The following ZFAT variants were observed in gnomAD, a reference collection of about 807,000 sequenced individuals.
The protein encoded by ZFAT is zinc finger protein ZFAT.
In ZFAT, 64 loss-of-function variants were observed where a neutral mutation model predicts 117.7. That is an observed-to-expected ratio of 0.54 (90% confidence interval 0.44 to 0.67). The LOEUF (loss-of-function observed/expected upper bound fraction) is 0.67. ZFAT is among the 30% of genes least tolerant of loss of function. The probability of loss-of-function intolerance (pLI) is 0.00; values close to 1 mark genes in which losing one functional copy is unlikely to be tolerated. For synonymous variants in ZFAT, 679 were observed against 615.0 expected, an observed-to-expected ratio of 1.10 and a Z score of -1.54; for missense variants, 1,433 against 1,584.5, an observed-to-expected ratio of 0.90 and a Z score of 1.62.
the ZFAT span, among the ~76,000 whole-genome samples, chr8:134,801,607 A>G: frequency 4.6e-5 from 7 of 152,030 alleles, no homozygotes; most frequent in African/African-American, 1.7e-4. Flanking sequence ...CTCTACAACC[A>G]TACTGCTTTT....
chr8:134,638,946 T>C (rs915266247), intron 2 of ZFAT, among the ~76,000 whole-genome samples: 1 of 152,010 alleles, frequency 6.6e-6, no homozygotes, highest in Non-Finnish European at 1.5e-5. Context: ...AACCTGAACA[T>C]TGGGGTAGAG....
At chr8:134,610,423 G>GACTT in intron 4 of ZFAT, 47 bp downstream of exon 4, 1 of 1,567,840 alleles carries the variant, frequency 6.4e-7, no homozygotes, top group Non-Finnish European at 8.6e-7. Context: ...CCTTGGCACA[G>GACTT]ACTTGCCAAG....
chr8:134,514,767 T>C (rs1249854347), intron 13 of ZFAT, among the ~76,000 whole-genome samples: 2 of 152,234 alleles, frequency 1.3e-5, no homozygotes, highest in Admixed American at 6.5e-5. Flanking sequence ...TAAACCTCCA[T>C]GTGTCCATTA....
the ZFAT span, among the ~76,000 whole-genome samples, chr8:134,744,834 A>G: frequency 1.4e-5 from 2 of 139,072 alleles, no homozygotes; most frequent in Non-Finnish European, 3.0e-5. Flanking sequence ...GGTTCATGCC[A>G]TTCTCCTGCC....
intron 1 of ZFAT, among the ~76,000 whole-genome samples, chr8:134,704,590 CT>C (rs1834098874): frequency 6.6e-6 from 1 of 152,174 alleles, no homozygotes; most frequent in African/African-American, 2.4e-5. Context: ...TGTTCTCTTG[CT>C]TATTCTTTAT....
In ZFAT at chr8:134,532,877, G is replaced by A. The variant is rs374006917; in HGVS notation, c.3072C>T (p.Asn1024=). The A allele has an allele frequency of 2.2e-5, 36 of 1,609,656 alleles. No homozygotes were observed. Among genetic ancestry groups the A allele is most frequent in the Middle Eastern group, 1.6e-4 (1 of 6,078 alleles). ...CCGCTGCCAGCTCCCCGGTGCCCAC[G>A]TTGGCATACTCCTCATTAGGGTGCT... ...NRKHPNEEYA[N]VGTGELAAEV... Residue 1024 remains asparagine, a synonymous_variant, in exon 12 of 16, where the codon AAC becomes AAT. Transcript: ENST00000377838.
chr8:134,705,365 T>TG (rs1293930817), intron 1 of ZFAT, among the ~76,000 whole-genome samples: 2 of 83,614 alleles, frequency 2.4e-5, no homozygotes, highest in African/African-American at 4.8e-5. Flanking sequence ...CATGCCCAGC[T>TG]GGTTTTTTTT....
Position 134,478,788 on chromosome 8 carries a change from C to A in ZFAT, c.3493-67G>T. 6.6e-7 allele frequency: 1 copy of A among 1,514,008 alleles called. No individual in the cohort carries two copies. Among genetic ancestry groups the A allele is most frequent in the South Asian group, 1.2e-5 (1 of 81,074 alleles). The allele number at this position is 1,514,008 out of a possible 1,614,324, so 93.8% of individuals were successfully genotyped here. ...TCCCGGTCCAGCGTAACAACAAAGT[C>A]ACAACTACAGTTTAGGAGGCACCAG... is the stretch of plus-strand genomic sequence containing the variant. On this transcript the variant is annotated intron_variant, in intron 15 of 15. Transcript: ENST00000377838. The surrounding 1 kb of genome is among the most constrained non-coding windows in gnomAD (Gnocchi z 5.2).
the ZFAT span, among the ~76,000 whole-genome samples, chr8:134,819,991 C>A: frequency 6.6e-6 from 1 of 152,060 alleles, no homozygotes; most frequent in South Asian, 2.1e-4. Context: ...AAATAAAATT[C>A]ACATAGAATC....
chr8:134,799,344 C>T, the ZFAT span, among the ~76,000 whole-genome samples: 10,595 of 152,064 alleles, frequency 0.07, 485 homozygotes, highest in African/African-American at 0.13. Context: ...ACATAATTTT[C>T]GTTTTATACT....
At chr8:134,600,883 T>C (rs1827378751) in intron 6 of ZFAT, among the ~76,000 whole-genome samples, 1 of 152,154 alleles carries the variant, frequency 6.6e-6, no homozygotes. Context: ...TGCATGATGT[T>C]AGGGCCCAGA....
chr8:134,613,967 T>A (rs150284902), intron 3 of ZFAT, among the ~76,000 whole-genome samples: 2 of 152,370 alleles, frequency 1.3e-5, no homozygotes, highest in African/African-American at 4.8e-5. Flanking sequence ...CCTGGACTTC[T>A]TGTTACACGA....
intron 11 of ZFAT, among the ~76,000 whole-genome samples, chr8:134,545,204 G>C (rs1356839704): frequency 1.3e-5 from 2 of 152,172 alleles, no homozygotes; most frequent in Non-Finnish European, 2.9e-5. Context: ...TCTGAGTAAA[G>C]AAGTAAACTT....
chr8:134,521,547 A>G (rs1820656490), intron 12 of ZFAT, among the ~76,000 whole-genome samples: 1 of 152,190 alleles, frequency 6.6e-6, no homozygotes, highest in African/African-American at 2.4e-5. Flanking sequence ...CTGAAACGTC[A>G]TTATTTATTG....
At chr8:134,763,733 G>GAA in the ZFAT span, among the ~76,000 whole-genome samples, 2 of 152,158 alleles carry the variant, frequency 1.3e-5, no homozygotes, top group Admixed American at 1.3e-4. Context: ...ATACACGAAT[G>GAA]AATGGTCTTT....
intron 6 of ZFAT, 23 bp downstream of exon 6, chr8:134,601,454 G>A (rs372653238): frequency 3.3e-5 from 52 of 1,579,920 alleles, no homozygotes; most frequent in Admixed American, 5.2e-5. Context: ...ACAGGGCCAC[G>A]CACCGGCGCT....
intron 3 of ZFAT, among the ~76,000 whole-genome samples, chr8:134,618,189 T>C (rs772479802): frequency 1.3e-5 from 2 of 152,054 alleles, no homozygotes; most frequent in Non-Finnish European, 2.9e-5. Context: ...AACAGACTAA[T>C]ACAGTTACTA....
At chr8:134,709,892 T>C (rs1197524605) in intron 1 of ZFAT, among the ~76,000 whole-genome samples, 1 of 152,132 alleles carries the variant, frequency 6.6e-6, no homozygotes, top group Non-Finnish European at 1.5e-5. Context: ...CTCAGCTCAT[T>C]TGCCACCTAC....
intron 1 of ZFAT, among the ~76,000 whole-genome samples, chr8:134,659,130 T>C (rs1831801515): frequency 6.6e-6 from 1 of 152,190 alleles, no homozygotes; most frequent in South Asian, 2.1e-4. Flanking sequence ...GCTGGACAAA[T>C]ACATGGCAAT....
Sources: gnomAD v4.1 joint callset for allele counts (sites outside exome capture counted in the v4.1 genomes callset) on GRCh38, gnomAD v4.1.1 for gene constraint, Gnocchi (gnomAD v3.1) non-coding constraint, MANE v1.5 for transcripts, NCBI Gene and HGNC (gene_info 2026-07-23, HGNC 2026-07-21) for gene names.